CLYBL: variants seen among roughly 807,000 people sequenced by gnomAD.
CLYBL encodes citramalyl-CoA lyase, mitochondrial.
A neutral mutation model predicts 38.9 loss-of-function variants in CLYBL; 31 were observed. The ratio of observed to expected loss-of-function variants is 0.80; its 90% CI spans 0.60 to 1.08. The LOEUF is 1.08. Ranked by LOEUF, CLYBL falls within the 50% of genes least tolerant of loss-of-function variation. The pLI, the probability that CLYBL is intolerant of heterozygous loss-of-function variation, is 0.00. For synonymous variants in CLYBL, 171 were observed against 158.6 expected (o/e 1.08, Z -0.59); for missense variants, 434 against 411.6 (o/e 1.05, Z -0.47).
chr13:99,812,702 C>T (rs946702885), intron 2 of CLYBL, among the ~76,000 whole-genome samples: 2 of 152,212 alleles, frequency 1.3e-5, no homozygotes, highest in African/African-American at 2.4e-5. Flanking sequence ...AGCGTAATCA[C>T]GTGCTGGACC....
chr13:99,901,221 C>A (rs1476444882), downstream of CLYBL, among the ~76,000 whole-genome samples: 1 of 152,242 alleles, frequency 6.6e-6, no homozygotes, highest in Non-Finnish European at 1.5e-5. Flanking sequence ...CCGTTCTTTG[C>A]ATCATCTCTC....
chr13:99,811,679 C>T lies in CLYBL; in HGVS notation c.249+38669C>T, dbSNP rs538221956. On this transcript the variant is annotated intron_variant, in intron 2 of 8. Transcript: ENST00000339105. ...ACAGGTGCCACTGCCAGTCCCCACA[C>T]GACCTCCAGCTGCCTCCTAAAGCAG... 2.0e-4 allele frequency among the ~76,000 whole-genome samples: 30 copies of T among 152,282 alleles called. No homozygotes were observed. The South Asian group carries it at 5.0e-3, about 25-fold the overall frequency.
intron 1 of CLYBL, among the ~76,000 whole-genome samples, chr13:99,746,332 T>C (rs2048850263): frequency 6.7e-6 from 1 of 150,088 alleles, no homozygotes; most frequent in Admixed American, 6.8e-5. Context: ...AGCTAGGAAA[T>C]AGTCATTTCA....
In CLYBL at chr13:99,606,748, T is replaced by C; in HGVS notation, c.53T>C (p.Leu18Pro). Residue 18 changes from leucine (L) to proline (P), a missense_variant, in exon 1 of 9, where the codon CTG becomes CCG. Coordinates refer to ENST00000339105, the MANE Select transcript of CLYBL (RefSeq NM_206808.5). Reference sequence around the variant, plus strand: ...GCGCGCGGAGCTGCGGCGGCGGCGCTGCTGAGGCTGTGAGTGCAGGTCCCC... The same window carrying C: ...GCGCGCGGAGCTGCGGCGGCGGCGCCGCTGAGGCTGTGAGTGCAGGTCCCC... ...RAARGAAAAA[L>P]LRLKASLAAD... 4.1e-6 allele frequency: 6 copies of C among 1,480,108 alleles called. No individual in the cohort carries two copies. Among genetic ancestry groups the C allele is most frequent in the Non-Finnish European group, 5.4e-6 (6 of 1,121,028 alleles). The allele number at this position is 1,480,108 out of a possible 1,614,324, so 91.7% of individuals were successfully genotyped here. A position where few individuals can be genotyped will look rare whatever the true frequency, so the allele number is the denominator to read the frequency against.
At chr13:99,658,864 G>A (rs2047368755) in intron 1 of CLYBL, among the ~76,000 whole-genome samples, 1 of 152,126 alleles carries the variant, frequency 6.6e-6, no homozygotes, top group African/African-American at 2.4e-5. Context: ...CATTGCAAAG[G>A]ACTTGTAAAG....
At chr13:99,852,421 T>G (rs540254125) in intron 2 of CLYBL, among the ~76,000 whole-genome samples, 1 of 152,262 alleles carries the variant, frequency 6.6e-6, no homozygotes, top group African/African-American at 2.4e-5. Context: ...TAAAATTGAT[T>G]GTGGTAATGG....
At chr13:99,805,177 G>C (rs1387053413) in intron 2 of CLYBL, among the ~76,000 whole-genome samples, 1 of 152,074 alleles carries the variant, frequency 6.6e-6, no homozygotes, top group East Asian at 1.9e-4. Context: ...ATAGACACTT[G>C]GGTTCTTTCC....
At chr13:99,782,064 A>G (rs1488808750) in intron 2 of CLYBL, among the ~76,000 whole-genome samples, 1 of 151,848 alleles carries the variant, frequency 6.6e-6, no homozygotes, top group African/African-American at 2.4e-5. Flanking sequence ...ATTATCTTAC[A>G]TATTTTCCCA....
At chr13:99,830,216 A>G (rs978182013) in intron 2 of CLYBL, among the ~76,000 whole-genome samples, 2 of 152,244 alleles carry the variant, frequency 1.3e-5, no homozygotes. Context: ...TCATCTAAAA[A>G]TGCATTTTCT....
At chr13:99,647,662 A>G (rs2047197059) in intron 1 of CLYBL, among the ~76,000 whole-genome samples, 1 of 152,216 alleles carries the variant, frequency 6.6e-6, no homozygotes, top group African/African-American at 2.4e-5. Flanking sequence ...GTGTTTTTCC[A>G]AAGGGCAGAG....
intron 1 of CLYBL, among the ~76,000 whole-genome samples, chr13:99,615,082 A>G (rs944923218): frequency 5.3e-5 from 8 of 152,210 alleles, no homozygotes; most frequent in African/African-American, 1.9e-4. Context: ...GAAGCCTCAA[A>G]GGTGAGGACA....
At chr13:99,895,064 C>T (rs1178510781), downstream of CLYBL, 1 of 152,178 alleles carries the variant, frequency 6.6e-6, no homozygotes, top group Non-Finnish European at 1.5e-5. Context: ...GTAACTCCTT[C>T]CGTGGCATAT....
chr13:99,727,520 AAC>A (rs1201748586), intron 1 of CLYBL: 4 of 151,300 alleles, frequency 2.6e-5, no homozygotes, highest in Non-Finnish European at 4.4e-5. Context: ...AAAAGGAATA[AAC>A]ACAAACACAT....
At chr13:99,814,943 A>G (rs2050414461) in intron 2 of CLYBL, among the ~76,000 whole-genome samples, 2 of 152,124 alleles carry the variant, frequency 1.3e-5, no homozygotes, top group East Asian at 1.9e-4. Context: ...AGGCAGGAGA[A>G]TGGAGCCCAG....
At chr13:99,663,507 GC>G (rs1204166783) in intron 1 of CLYBL, among the ~76,000 whole-genome samples, 1 of 152,142 alleles carries the variant, frequency 6.6e-6, no homozygotes, top group African/African-American at 2.4e-5. Flanking sequence ...GTGTCACCAA[GC>G]CCTTTTTTGG....
In CLYBL at chr13:99,865,586, C is replaced by CA. The variant is rs1400349421; in HGVS notation, c.635-651dup. On this transcript the variant is annotated intron_variant, in intron 5 of 8. Coordinates refer to ENST00000339105, the MANE Select transcript of CLYBL (RefSeq NM_206808.5). This position sits in a 1 kb window ranked among gnomAD's most constrained non-coding sequence, Gnocchi z 4.7. Reference sequence around the variant, plus strand: ...TCCCTAGGCAGGGAGTGGCATGTTCCAAATGTAAACAGGGACACTTCCCTC... The same window carrying CA: ...TCCCTAGGCAGGGAGTGGCATGTTCCAAAATGTAAACAGGGACACTTCCCTC... Among the ~76,000 whole-genome samples, 1 of 152,152 alleles carries CA rather than the reference C, an allele frequency of 6.6e-6. No individual in the cohort carries two copies.
intron 1 of CLYBL, chr13:99,726,415 T>G (rs1240554464): frequency 2.6e-5 from 4 of 152,116 alleles, no homozygotes; most frequent in Admixed American, 6.6e-5. Context: ...GTCGGTGTGT[T>G]CTTTCTGAAG....
chr13:99,619,939 A>G (rs1205543635), intron 1 of CLYBL, among the ~76,000 whole-genome samples: 2 of 152,258 alleles, frequency 1.3e-5, no homozygotes, highest in Admixed American at 6.5e-5. Context: ...GCCTCCCCCA[A>G]ACTTATTGGT....
At chr13:99,804,944 C>T (rs927085037) in intron 2 of CLYBL, among the ~76,000 whole-genome samples, 2 of 152,202 alleles carry the variant, frequency 1.3e-5, no homozygotes, top group Non-Finnish European at 2.9e-5. Context: ...TCCCTGGCAA[C>T]TCCCATTCTG....
Sources: gnomAD v4.1 joint callset for allele counts (sites outside exome capture counted in the v4.1 genomes callset) on GRCh38, gnomAD v4.1.1 for gene constraint, Gnocchi (gnomAD v3.1) non-coding constraint, MANE v1.5 for transcripts, NCBI Gene and HGNC (gene_info 2026-07-23, HGNC 2026-07-21) for gene names.